Variants in DRAM2 observed in about 807,000 individuals in gnomAD.
The protein encoded by DRAM2 is DNA damage-regulated autophagy modulator protein 2.
Under a neutral mutation model 33.5 loss-of-function variants are expected in DRAM2, and 26 were observed. That is an observed-to-expected ratio of 0.78 (90% confidence interval 0.57 to 1.08). The LOEUF (loss-of-function observed/expected upper bound fraction) is 1.08, where lower values mean the gene tolerates loss of function less well. DRAM2 is among the 50% of genes least tolerant of loss of function. The pLI, the probability that DRAM2 is intolerant of heterozygous loss-of-function variation, is 0.00. For synonymous variants in DRAM2, 98 were observed against 109.5 expected, an observed-to-expected ratio of 0.89 and a Z score of 0.66; for missense variants, 311 against 318.1, an observed-to-expected ratio of 0.98 and a Z score of 0.17.
At chr1:111,123,875 C>T (rs1391955012) in intron 6 of DRAM2, among the ~76,000 whole-genome samples, 1 of 152,124 alleles carries the variant, frequency 6.6e-6, no homozygotes, top group African/African-American at 2.4e-5. Context: ...GCTTTGCTTT[C>T]CATCATGTGT....
chr1:111,120,913 A>G (rs1446895667), intron 6 of DRAM2, among the ~76,000 whole-genome samples: 3 of 152,022 alleles, frequency 2.0e-5, no homozygotes, highest in Non-Finnish European at 1.5e-5. Context: ...ATATACCTCC[A>G]CTGAAAATAT....
At chr1:111,132,122 T>C (rs930606243) in intron 3 of DRAM2, among the ~76,000 whole-genome samples, 4 of 152,162 alleles carry the variant, frequency 2.6e-5, no homozygotes, top group African/African-American at 9.7e-5. Context: ...GGACGTTCAG[T>C]CCTCCATCCC....
chr1:111,127,228 C>T (rs1651188976), intron 4 of DRAM2, among the ~76,000 whole-genome samples: 1 of 152,002 alleles, frequency 6.6e-6, no homozygotes. Context: ...AAAACTACTA[C>T]AAAGATTAAA....
At chr1:111,130,263 G>A (rs571325424) in intron 4 of DRAM2, among the ~76,000 whole-genome samples, 20 of 152,268 alleles carry the variant, frequency 1.3e-4, no homozygotes, top group African/African-American at 4.6e-4. Flanking sequence ...TTAATTCTTG[G>A]TTCCAACACT....
rs763255666 is a variant in DRAM2 at position 111,131,462 on chromosome 1, T to TA, written c.92dup (p.Thr32AsnfsTer14). On this transcript the variant is annotated frameshift_variant, in exon 4 of 10. Coordinates refer to ENST00000484310, the MANE Select transcript of DRAM2 (RefSeq NM_001349884.2). LOFTEE classifies it high-confidence loss of function. ...AAGCCGGGTCTATATGGTGGAGTGT[T>TA]ACTGCAGTAATGTATGAAAATATGA... The TA allele has an allele frequency of 1.2e-5, 20 of 1,614,040 alleles. No individual in the cohort carries two copies. Among genetic ancestry groups the TA allele is most frequent in the Non-Finnish European group, 1.4e-5 (16 of 1,180,008 alleles).
At chr1:111,135,627 A>T (rs543331314) in intron 3 of DRAM2, among the ~76,000 whole-genome samples, 10 of 152,272 alleles carry the variant, frequency 6.6e-5, no homozygotes, top group Admixed American at 5.2e-4. Flanking sequence ...TACATGTCTA[A>T]ATCCTTCTTT....
chr1:111,126,308 A>T lies in DRAM2; in HGVS notation c.132-14T>A. 1.3e-6 allele frequency: 2 copies of T among 1,572,488 alleles called. No homozygotes were observed. Among genetic ancestry groups the T allele is most frequent in the Non-Finnish European group, 1.7e-6 (2 of 1,144,742 alleles). On this transcript the variant is annotated splice_polypyrimidine_tract_variant and intron_variant, in intron 4 of 9. Coordinates refer to ENST00000484310, the MANE Select transcript of DRAM2 (RefSeq NM_001349884.2). Reference sequence around the variant, plus strand: ...GTACCAGTGTCACTGAAAGAAAAAAAGGAAGGTATGTGGATTTCTCATACT... The same window carrying T: ...GTACCAGTGTCACTGAAAGAAAAAATGGAAGGTATGTGGATTTCTCATACT...
intron 3 of DRAM2, 94 bp downstream of exon 3, chr1:111,137,429 T>G (rs1462600770): frequency 6.6e-6 from 1 of 152,152 alleles, no homozygotes; most frequent in African/African-American, 2.4e-5. Context: ...TAATACCCAT[T>G]TCATAGAGGT....
intron 5 of DRAM2, 135 bp from the exon 6 acceptor site, chr1:111,125,016 A>AC: frequency 1.3e-5 from 11 of 840,388 alleles, no homozygotes; most frequent in Admixed American, 3.3e-5. Context: ...GAGAATAAAA[A>AC]GAAAAAAAAA....
In DRAM2 at chr1:111,117,991, A is replaced by G; in HGVS notation, c.*169T>C. The G allele has an allele frequency of 1.6e-6, 1 of 636,162 alleles. No individual in the cohort carries two copies. Among genetic ancestry groups the G allele is most frequent in the South Asian group, 1.9e-5 (1 of 52,054 alleles). The allele number at this position is 636,162 out of a possible 1,614,324, so 39.4% of individuals were successfully genotyped here. On this transcript the variant is annotated 3_prime_UTR_variant, in exon 10 of 10. Coordinates refer to ENST00000484310, the MANE Select transcript of DRAM2 (RefSeq NM_001349884.2). ...AGTCTTCTTGATGATATCCTTTAGA[A>G]TAATCTATCAAATGGCTTCTTTCAT...
chr1:111,119,692 C>T, intron 8 of DRAM2, 185 bp downstream of exon 8: 1 of 577,352 alleles, frequency 1.7e-6, no homozygotes. Context: ...CTACAGATCA[C>T]AGGTGACAGG....
At chr1:111,130,286 C>A (rs537134493) in intron 4 of DRAM2, among the ~76,000 whole-genome samples, 9 of 152,112 alleles carry the variant, frequency 5.9e-5, no homozygotes, top group African/African-American at 2.2e-4. Context: ...GTTATTTGCC[C>A]ATGAGCAAAT....
chr1:111,118,129 A>G lies in DRAM2; in HGVS notation c.*31T>C, dbSNP rs765787363. On this transcript the variant is annotated 3_prime_UTR_variant, in exon 10 of 10. Coordinates refer to ENST00000484310, the MANE Select transcript of DRAM2 (RefSeq NM_001349884.2). ...AACCTTTCCCCAATCCCTGAGAATC[A>G]TAATCATTACAGAAATATTTTATCC... The G allele has an allele frequency of 2.5e-6, 4 of 1,596,902 alleles. No homozygotes were observed. The highest frequency in any genetic ancestry group is 3.4e-6 in the Non-Finnish European group (4 of 1,164,750).
intron 3 of DRAM2, among the ~76,000 whole-genome samples, chr1:111,132,492 T>A (rs1164943090): frequency 1.3e-5 from 2 of 152,132 alleles, no homozygotes; most frequent in Non-Finnish European, 2.9e-5. Context: ...GGTAGTCTAG[T>A]GGGACTGAGC....
intron 8 of DRAM2, 196 bp downstream of exon 8, chr1:111,119,681 T>C: frequency 1.8e-6 from 1 of 552,064 alleles, no homozygotes; most frequent in Non-Finnish European, 3.2e-6. Flanking sequence ...TTTGACAATA[T>C]CTACAGATCA....
chr1:111,122,017 G>A (rs1650143967), intron 6 of DRAM2, among the ~76,000 whole-genome samples: 3 of 152,068 alleles, frequency 2.0e-5, no homozygotes. Flanking sequence ...AAAGGCTAGT[G>A]ATATATATAA....
chr1:111,128,348 G>A (rs1450519752), intron 4 of DRAM2, among the ~76,000 whole-genome samples: 3 of 152,020 alleles, frequency 2.0e-5, no homozygotes, highest in African/African-American at 7.2e-5. Context: ...AGACCTCAGG[G>A]TAATACTAAG....
intron 6 of DRAM2, 66 bp downstream of exon 6, chr1:111,124,676 G>T (rs189664150): frequency 2.0e-6 from 3 of 1,530,950 alleles, no homozygotes; most frequent in Admixed American, 1.9e-5. Context: ...AATGCTTCAG[G>T]TTTCCCTTTT....
chr1:111,125,022 A>G lies in DRAM2; in HGVS notation c.200-141T>C, dbSNP rs80135021. On this transcript the variant is annotated intron_variant, in intron 5 of 9. Transcript: ENST00000484310. ...TTAATCAGAGAGAATAAAAAGAAAA[A>G]AAAAAACAAAATAGCTGTAGTTTTG... 5.7e-4 allele frequency: 469 copies of G among 822,330 alleles called. 3 individuals carry two copies. The African/African-American group carries it at 7.1e-3, about 13-fold the overall frequency. 50.9% of individuals were successfully genotyped at this position (822,330 alleles called of 1,614,324 possible).
Sources: allele counts gnomAD v4.1 joint callset (sites outside exome capture counted in the v4.1 genomes callset), GRCh38; gene constraint gnomAD v4.1.1; transcripts MANE v1.5; gene names NCBI Gene and HGNC (gene_info 2026-07-23, HGNC 2026-07-21).